Variants in RBSN observed in about 807,000 individuals in gnomAD.
RBSN encodes the protein rabenosyn-5.
In RBSN, 34 loss-of-function variants were observed where a neutral mutation model predicts 60.5. That is an observed-to-expected ratio of 0.56 (90% CI 0.43 to 0.75). RBSN has a LOEUF of 0.75. Ranked by LOEUF, RBSN falls within the 30% of genes least tolerant of loss-of-function variation. The pLI, the probability that RBSN is intolerant of heterozygous loss-of-function variation, is 0.00. For missense variants in RBSN, 845 were observed against 986.8 expected, an observed-to-expected ratio of 0.86 and a Z score of 1.92; for synonymous variants, 322 against 366.9, an observed-to-expected ratio of 0.88 and a Z score of 1.40.
intron 4 of RBSN, chr3:15,091,440 T>G: frequency 7.8e-7 from 1 of 1,283,070 alleles, no homozygotes; most frequent in South Asian, 1.2e-5. Flanking sequence ...CCCACGCACT[T>G]ATTGAATGCA....
rs774178083 is a variant in RBSN, at chr3:15,074,440, C to A, written c.1697G>T (p.Arg566Leu). Residue 566 changes from arginine (R) to leucine (L), a missense_variant, in exon 14 of 14, where the codon CGC becomes CTC. By Grantham distance (102) the Arg-to-Leu change is moderately radical (BLOSUM62 -2). Coordinates refer to ENST00000253699, the MANE Select transcript of RBSN (RefSeq NM_022340.4). This position sits in a 1 kb window ranked among gnomAD's most constrained non-coding sequence, Gnocchi z 6.4. ...ATCCAAAGCATAAGCAAGGTGGGTGCGAGGCTCTCTGCTGGGCTCCAGCTG... is the reference window on the plus strand; with the variant it reads ...ATCCAAAGCATAAGCAAGGTGGGTGAGAGGCTCTCTGCTGGGCTCCAGCTG... ...PFQLEPSREP[R>L]THLAYALDLG... The A allele has an allele frequency of 6.2e-7, 1 of 1,614,136 alleles. No homozygotes were observed.
intron 4 of RBSN, among the ~76,000 whole-genome samples, chr3:15,095,031 T>A (rs1474775258): frequency 6.6e-6 from 1 of 150,620 alleles, no homozygotes; most frequent in Admixed American, 6.6e-5. Context: ...TGTTTGTGTG[T>A]GTGTGTGTCT....
intron 4 of RBSN, among the ~76,000 whole-genome samples, chr3:15,092,166 G>A (rs569759151): frequency 7.9e-5 from 12 of 152,056 alleles, no homozygotes; most frequent in East Asian, 5.8e-4. Context: ...ATAGGTGTGC[G>A]CCACCATGAC....
In RBSN at chr3:15,072,264, C is replaced by T. The variant is rs1365867133; in HGVS notation, c.*1518G>A. The stretch of plus-strand genomic sequence containing the variant: ...GAGATTAACCAGGCGTGGTGGCCCA[C>T]GCCTGTAATCCTAGCTATTCAGGGG... On this transcript the variant is annotated 3_prime_UTR_variant, in exon 14 of 14. Coordinates refer to ENST00000253699, the MANE Select transcript of RBSN (RefSeq NM_022340.4). 1 of 152,190 alleles carries T rather than the reference C, an allele frequency of 6.6e-6. No individual in the cohort carries two copies. Among genetic ancestry groups the T allele is most frequent in the African/African-American group, 2.4e-5 (1 of 41,452 alleles). The allele number at this position is 152,190 out of a possible 1,614,324, so 9.4% of individuals were successfully genotyped here.
In RBSN at chr3:15,074,575, T is replaced by G; in HGVS notation, c.1562A>C (p.Gln521Pro). The G allele has an allele frequency of 1.2e-6, 2 of 1,614,250 alleles. No individual in the cohort carries two copies. Among genetic ancestry groups the G allele is most frequent in the Non-Finnish European group, 1.7e-6 (2 of 1,180,018 alleles). The change falls in exon 14 of 14, where the codon CAG becomes CCG. Residue 521 changes from glutamine to proline, a missense_variant. Transcript: ENST00000253699. The surrounding 1 kb of genome is among the most constrained non-coding windows in gnomAD (Gnocchi z 6.4). Reference sequence around the variant, plus strand: ...CTCCCGTTCACGCAACATCTGCAGCTGTTCCCGCTGCAGGTCCTCCTCCTC... The same window carrying G: ...CTCCCGTTCACGCAACATCTGCAGCGGTTCCCGCTGCAGGTCCTCCTCCTC... ...QAEEEDLQRE[Q>P]LQMLRERELE...
intron 4 of RBSN, among the ~76,000 whole-genome samples, chr3:15,094,535 CAG>C (rs1192589508): frequency 2.0e-5 from 3 of 152,178 alleles, no homozygotes; most frequent in Non-Finnish European, 2.9e-5. Context: ...CACCTTCTTG[CAG>C]AGTTGTTAGG....
At position 15,096,099 on chromosome 3, in the gene RBSN, C is replaced by T. The variant is rs768098887; in HGVS notation, c.22G>A (p.Gly8Arg). MASLDDPGEVREGFLCPL... is the reference protein window; with the variant it reads MASLDDPREVREGFLCPL... ...CAGAGGAAGCCCTCCCTCACTTCCCCTGGGTCGTCCAGAGAAGCCATGGCA... is the reference window on the plus strand; with the variant it reads ...CAGAGGAAGCCCTCCCTCACTTCCCTTGGGTCGTCCAGAGAAGCCATGGCA... The change falls in exon 4 of 14, where the codon GGG becomes AGG. Residue 8 changes from glycine (G) to arginine (R), a missense_variant. Gly to Arg is a moderately radical substitution (Grantham distance 125). Transcript: ENST00000253699. 2 of 1,600,096 alleles carry T rather than the reference C, an allele frequency of 1.2e-6. No homozygotes were observed. Among genetic ancestry groups the T allele is most frequent in the Non-Finnish European group, 1.7e-6 (2 of 1,173,216 alleles).
chr3:15,085,786 C>A (rs201984729), intron 6 of RBSN, 75 bp downstream of exon 6: 2 of 1,202,554 alleles, frequency 1.7e-6, no homozygotes, highest in South Asian at 1.2e-5. Context: ...ACAACACAGG[C>A]TATAGAAATG....
chr3:15,098,487 G>C (rs62240413), intron 1 of RBSN, among the ~76,000 whole-genome samples: 3 of 72,334 alleles, frequency 4.1e-5, no homozygotes, highest in African/African-American at 5.4e-5. Flanking sequence ...AATAAATATA[G>C]CTACATGTTC....
In RBSN at chr3:15,077,104, C is replaced by A; in HGVS notation, c.1059G>T (p.Arg353=). Residue 353 remains arginine (R), a synonymous_variant, in exon 12 of 14, where the codon CGG becomes CGT. Coordinates refer to ENST00000253699, the MANE Select transcript of RBSN (RefSeq NM_022340.4). The surrounding 1 kb of genome is among the most constrained non-coding windows in gnomAD (Gnocchi z 4.4). ...CTGAGTATCTGATCATTCTCTGCAG[C>A]CGCAAATTGCTTGGATGTGGTGGAG... ...QDPPPHPSNL[R]LQRMIRYSAT... The A allele has an allele frequency of 6.2e-7, 1 of 1,614,114 alleles. No individual in the cohort carries two copies. The highest frequency in any genetic ancestry group is 2.2e-5 in the East Asian group (1 of 44,878).
chr3:15,078,178 G>C lies in RBSN; in HGVS notation c.912-17C>G, dbSNP rs185015142. The C allele has an allele frequency of 1.1e-4, 184 of 1,610,866 alleles. No homozygotes were observed. In the African/African-American group the frequency reaches 2.0e-3, roughly 18 times the overall value. ...TCCCCAGCACTAAGGAGAAACCAGA[G>C]ACACGTGACCTAAGTTTCATGGTGC... On this transcript the variant is annotated splice_polypyrimidine_tract_variant and intron_variant, in intron 10 of 13. Coordinates refer to ENST00000253699, the MANE Select transcript of RBSN (RefSeq NM_022340.4).
rs2043299365 is a variant in RBSN, at chr3:15,084,905, A to C, written c.437-9T>G. On this transcript the variant is annotated splice_polypyrimidine_tract_variant and intron_variant, in intron 7 of 13. Transcript: ENST00000253699. The surrounding 1 kb of genome is among the most constrained non-coding windows in gnomAD (Gnocchi z 4.2). The stretch of plus-strand genomic sequence containing the variant: ...CACAGACTTTTCTATTGCTTTGGGA[A>C]GAGCAAACCAACAAGAAAGCAGGCC... 6.2e-7 allele frequency: 1 copy of C among 1,612,806 alleles called. No homozygotes were observed. Among genetic ancestry groups the C allele is most frequent in the Non-Finnish European group, 8.5e-7 (1 of 1,179,248 alleles).
rs745678941 is a variant in RBSN, at chr3:15,084,795, G to C, written c.538C>G (p.Arg180Gly). Residue 180 changes from arginine (R) to glycine (G), a missense_variant, in exon 8 of 14, where the codon CGC becomes GGC. By Grantham distance (125) the Arg-to-Gly change is moderately radical. Transcript: ENST00000253699. This position sits in a 1 kb window ranked among gnomAD's most constrained non-coding sequence, Gnocchi z 4.2. The part of the protein sequence containing the change: ...FSIRNRRHHC[R>G]LCGSIMCKKC... ...TTGCACATAATAGACCCGCAGAGGC[G>C]GCAGTGGTGGCGGCGGTTCCGGATG... 5 of 1,614,194 alleles carry C rather than the reference G, an allele frequency of 3.1e-6. No individual in the cohort carries two copies. Among genetic ancestry groups the C allele is most frequent in the Non-Finnish European group, 4.2e-6 (5 of 1,180,040 alleles).
At chr3:15,078,795 T>A (rs56062358) in intron 10 of RBSN, among the ~76,000 whole-genome samples, 1 of 83,350 alleles carries the variant, frequency 1.2e-5, no homozygotes, top group Non-Finnish European at 2.3e-5. Context: ...TATATATATA[T>A]ATATATATAT....
Position 15,073,477 on chromosome 3 carries a change from T to A in RBSN, c.*305A>T, listed in dbSNP as rs2042966859. ...CCCAACAGAGCTGCATTTAGTTATA[T>A]CTCGGTAGTAAAAATGTAAAGTCCC... On this transcript the variant is annotated 3_prime_UTR_variant, in exon 14 of 14. Transcript: ENST00000253699. 3 of 329,598 alleles carry A rather than the reference T, an allele frequency of 9.1e-6. No individual in the cohort carries two copies. The highest frequency in any genetic ancestry group is 9.1e-5 in the Admixed American group (2 of 21,968). The allele number at this position is 329,598 out of a possible 1,614,324, so 20.4% of individuals were successfully genotyped here.
rs1246267551 is a variant in RBSN, at chr3:15,074,342, C to T, written c.1795G>A (p.Val599Met). 8 of 1,614,008 alleles carry T rather than the reference C, an allele frequency of 5.0e-6. No homozygotes were observed. In the Admixed American group the frequency reaches 1.2e-4, roughly 24 times the overall value. ...CCAACGGCTGGGGGCCCAGACCACA[C>T]TCTGGTGGGTTGAGTTGAGCTAAGT... ...PSLSSTQPTRVWSGPPAVGQE... is the reference protein window; with the variant it reads ...PSLSSTQPTRMWSGPPAVGQE... The change falls in exon 14 of 14, where the codon GTG (valine) becomes ATG (methionine). Residue 599 changes from valine (V) to methionine (M), a missense_variant. By Grantham distance (21) the Val-to-Met change is conservative (BLOSUM62 1). Coordinates refer to ENST00000253699, the MANE Select transcript of RBSN (RefSeq NM_022340.4). The surrounding 1 kb of genome is among the most constrained non-coding windows in gnomAD (Gnocchi z 6.4).
In RBSN at chr3:15,071,022, C is replaced by A. The variant is rs1405763862; in HGVS notation, c.*2760G>T. 6.6e-6 allele frequency: 1 copy of A among 152,182 alleles called. No individual in the cohort carries two copies. The highest frequency in any genetic ancestry group is 1.9e-4 in the East Asian group (1 of 5,198). 9.4% of individuals were successfully genotyped at this position (152,182 alleles called of 1,614,324 possible). A position where few individuals can be genotyped will look rare whatever the true frequency, so the allele number is the denominator to read the frequency against. On this transcript the variant is annotated 3_prime_UTR_variant, in exon 14 of 14. Coordinates refer to ENST00000253699, the MANE Select transcript of RBSN (RefSeq NM_022340.4). Reference sequence around the variant, plus strand: ...TATTTTTAGTAGACACGGGGTTTCACCATGTTGGCCATGCTAGTCTCAAAT... The same window carrying A: ...TATTTTTAGTAGACACGGGGTTTCAACATGTTGGCCATGCTAGTCTCAAAT...
At position 15,074,409 on chromosome 3, in the gene RBSN, G is replaced by A. The variant is rs2042996065; in HGVS notation, c.1728C>T (p.Gly576=). The A allele has an allele frequency of 6.2e-7, 1 of 1,614,182 alleles. No individual in the cohort carries two copies. The highest frequency in any genetic ancestry group is 2.2e-5 in the East Asian group (1 of 44,886). Residue 576 remains glycine, a synonymous_variant, in exon 14 of 14, where the codon GGC becomes GGT. Transcript: ENST00000253699. The surrounding 1 kb of genome is among the most constrained non-coding windows in gnomAD (Gnocchi z 6.4). ...CTGTGCTGCTTGGAACTGGGGAAGA[G>A]CCTAGATCCAAAGCATAAGCAAGGT... ...RTHLAYALDL[G]SSPVPSSTAP...
rs906925759 is a variant in RBSN, at chr3:15,096,299, A to C, written c.-168-11T>G. On this transcript the variant is annotated splice_polypyrimidine_tract_variant and intron_variant, in intron 3 of 13. Transcript: ENST00000253699. ...GGAGTAGGAGGAGCCCTAAGAAAGA[A>C]AAGAAGAAGGGAAAAAAGCCAATTC... 26 of 590,012 alleles carry C rather than the reference A, an allele frequency of 4.4e-5. No homozygotes were observed. Among genetic ancestry groups the C allele is most frequent in the African/African-American group, 4.2e-4 (22 of 52,454 alleles). The allele number at this position is 590,012 out of a possible 1,614,324, so 36.5% of individuals were successfully genotyped here.
Sources: allele counts gnomAD v4.1 joint callset (sites outside exome capture counted in the v4.1 genomes callset), GRCh38; gene constraint gnomAD v4.1.1; non-coding constraint Gnocchi (gnomAD v3.1); transcripts MANE v1.5; gene names NCBI Gene and HGNC (gene_info 2026-07-23, HGNC 2026-07-21).